MED31: variants seen among roughly 807,000 people sequenced by gnomAD.
MED31 encodes mediator complex subunit 31.
A neutral mutation model predicts 22.0 loss-of-function variants in MED31; 11 were observed. The ratio of observed to expected loss-of-function variants is 0.50; its 90% CI spans 0.31 to 0.83. The LOEUF (loss-of-function observed/expected upper bound fraction) is 0.83, where lower values mean the gene tolerates loss of function less well. Among genes scored for constraint, MED31 ranks in the 40% least tolerant of loss-of-function variants. MED31 has a pLI of 0.04. For synonymous variants in MED31, 60 were observed against 55.1 expected, an observed-to-expected ratio of 1.09 and a Z score of -0.40; for missense variants, 122 against 155.3, an observed-to-expected ratio of 0.79 and a Z score of 1.14.
chr17:6,650,090 T>TAAA lies in MED31; in HGVS notation c.107-15_107-13dup. The TAAA allele has an allele frequency of 2.4e-6, 3 of 1,227,096 alleles. No homozygotes were observed. Among genetic ancestry groups the TAAA allele is most frequent in the South Asian group, 1.5e-5 (1 of 65,356 alleles). The allele number at this position is 1,227,096 out of a possible 1,614,324, so 76.0% of individuals were successfully genotyped here. ...TCTTTGGGCAAGAACTGAAAAGCATTAAAAAAAAAAATCTGTAGGTCAAAC... is the reference window on the plus strand; with the variant it reads ...TCTTTGGGCAAGAACTGAAAAGCATTAAAAAAAAAAAAAATCTGTAGGTCAAAC... On this transcript the variant is annotated splice_polypyrimidine_tract_variant and intron_variant, in intron 2 of 3. Transcript: ENST00000225728.
intron 3 of MED31, among the ~76,000 whole-genome samples, chr17:6,646,368 T>C (rs1223353650): frequency 6.6e-6 from 1 of 152,216 alleles, no homozygotes; most frequent in Non-Finnish European, 1.5e-5. Context: ...TTAAAATACA[T>C]TAACATATAG....
At chr17:6,651,294 G>T in intron 1 of MED31, 1 of 654,106 alleles carries the variant, frequency 1.5e-6, no homozygotes, top group South Asian at 2.1e-5. Context: ...GTGGGGTGGT[G>T]TCTGAATAGC....
chr17:6,644,959 G>A (rs768661626), intron 3 of MED31, among the ~76,000 whole-genome samples: 1 of 152,170 alleles, frequency 6.6e-6, no homozygotes, highest in Admixed American at 6.5e-5. Context: ...CCCTTCTAGC[G>A]GTTTCCAACG....
At chr17:6,646,451 G>T (rs1972768575) in intron 3 of MED31, among the ~76,000 whole-genome samples, 1 of 152,162 alleles carries the variant, frequency 6.6e-6, no homozygotes, top group Admixed American at 6.5e-5. Context: ...ACTCCATTTT[G>T]ATCTGTACTA....
chr17:6,645,556 T>C (rs1404685662), intron 3 of MED31, among the ~76,000 whole-genome samples: 1 of 152,212 alleles, frequency 6.6e-6, no homozygotes, highest in Non-Finnish European at 1.5e-5. Context: ...TAAAAATTCC[T>C]GGGAGGATCA....
At chr17:6,651,365 G>A in intron 1 of MED31, 136 bp downstream of exon 1, 1 of 1,188,438 alleles carries the variant, frequency 8.4e-7, no homozygotes, top group Admixed American at 2.8e-5. Flanking sequence ...CTTTCTAGAC[G>A]CTACAAGAGC....
Position 6,651,486 on chromosome 17 carries a change from CAGAG to C in MED31, c.28+11_28+14del, listed in dbSNP as rs776775534. 1 of 1,614,136 alleles carries C rather than the reference CAGAG, an allele frequency of 6.2e-7. No individual in the cohort carries two copies. On this transcript the variant is annotated intron_variant, in intron 1 of 3. Coordinates refer to ENST00000225728, the MANE Select transcript of MED31 (RefSeq NM_016060.3). ...GTTCCATCTGCGAAGACTCCAAGAT[CAGAG>C]AGCTACTCACCTGTCTCCATAGCGA...
intron 3 of MED31, among the ~76,000 whole-genome samples, chr17:6,647,212 G>A (rs527272185): frequency 2.0e-5 from 3 of 152,248 alleles, no homozygotes; most frequent in African/African-American, 7.2e-5. Flanking sequence ...CTCAGAGACC[G>A]GCACTGGTGC....
chr17:6,644,938 A>G (rs952437561), intron 3 of MED31, among the ~76,000 whole-genome samples: 1 of 152,240 alleles, frequency 6.6e-6, no homozygotes, highest in Non-Finnish European at 1.5e-5. Flanking sequence ...TTAGGGACAA[A>G]CCATGCTATT....
At position 6,650,022 on chromosome 17, in the gene MED31, AG is replaced by A. The variant is rs886588377; in HGVS notation, c.162del (p.Leu55CysfsTer13). ...KDKAFVNYLK[Y>X]LLYWKDPEYA... is the part of the protein sequence containing the mutation. ...TATTCTGGGTCTTTCCAGTAAAGCA[AG>A]TATTTAAGATAATTAACAAAAGCTT... On this transcript the variant is annotated frameshift_variant, in exon 3 of 4. Coordinates refer to ENST00000225728, the MANE Select transcript of MED31 (RefSeq NM_016060.3). LOFTEE classifies it high-confidence loss of function. 35 of 1,604,106 alleles carry A rather than the reference AG, an allele frequency of 2.2e-5. No homozygotes were observed. The highest frequency in any genetic ancestry group is 3.0e-5 in the Non-Finnish European group (35 of 1,177,626).
intron 3 of MED31, among the ~76,000 whole-genome samples, chr17:6,645,273 C>T (rs1408229854): frequency 1.3e-5 from 2 of 152,164 alleles, no homozygotes; most frequent in Non-Finnish European, 2.9e-5. Context: ...GTATTGAAAA[C>T]ATCAGTATGT....
At chr17:6,644,804 T>C (rs1158870884) in intron 3 of MED31, 145 bp from the exon 4 acceptor site, 3 of 990,722 alleles carry the variant, frequency 3.0e-6, no homozygotes, top group East Asian at 3.1e-5. Context: ...TAGGGTTTTT[T>C]CCCCGATTAG....
rs183778027 is a variant in MED31, at chr17:6,645,624, C to T, written c.204-965G>A. 1.6e-3 allele frequency among the ~76,000 whole-genome samples: 238 copies of T among 152,134 alleles called. 1 individual carries two copies. The highest frequency in any genetic ancestry group is 3.1e-3 in the Admixed American group (47 of 15,280). ...CAATGGCCAAATCTGGAATACTTAGCGCAAGAAAATACATAATTCTAATTC... is the reference window on the plus strand; with the variant it reads ...CAATGGCCAAATCTGGAATACTTAGTGCAAGAAAATACATAATTCTAATTC... On this transcript the variant is annotated intron_variant, in intron 3 of 3. Transcript: ENST00000225728.
intron 3 of MED31, among the ~76,000 whole-genome samples, chr17:6,646,196 T>C (rs1220060609): frequency 6.6e-6 from 1 of 152,210 alleles, no homozygotes; most frequent in Non-Finnish European, 1.5e-5. Context: ...ATGAGGTCTG[T>C]AGATTAGGTA....
intron 3 of MED31, among the ~76,000 whole-genome samples, chr17:6,649,288 G>C (rs1166499869): frequency 6.6e-6 from 1 of 151,182 alleles, no homozygotes; most frequent in African/African-American, 2.4e-5. Flanking sequence ...TTGCAACTTA[G>C]TAAGCCTTAA....
intron 1 of MED31, 33 bp from the exon 2 acceptor site, chr17:6,650,466 C>A (rs1385783851): frequency 1.3e-6 from 2 of 1,594,974 alleles, no homozygotes; most frequent in Non-Finnish European, 1.7e-6. Context: ...TCATGGAAAA[C>A]AAAGGTCACT....
Position 6,644,156 on chromosome 17 carries a change from C to T in MED31, c.*311G>A, listed in dbSNP as rs988076482. On this transcript the variant is annotated 3_prime_UTR_variant, in exon 4 of 4. Transcript: ENST00000225728. Reference sequence around the variant, plus strand: ...CCTTAGAATTCAGTATACTTGGTGGCCCACCCCTACCCCATGCCCCAGTGC... The same window carrying T: ...CCTTAGAATTCAGTATACTTGGTGGTCCACCCCTACCCCATGCCCCAGTGC... 2.3e-6 allele frequency: 1 copy of T among 426,002 alleles called. No individual in the cohort carries two copies. The allele number at this position is 426,002 out of a possible 1,614,324, so 26.4% of individuals were successfully genotyped here.
intron 3 of MED31, among the ~76,000 whole-genome samples, chr17:6,648,584 G>A (rs1374540220): frequency 1.3e-5 from 2 of 152,068 alleles, no homozygotes. Flanking sequence ...TTAAATGTTG[G>A]CAAGTATTAA....
At chr17:6,651,308 G>T in intron 1 of MED31, 193 bp downstream of exon 1, 1 of 734,802 alleles carries the variant, frequency 1.4e-6, no homozygotes, top group Non-Finnish European at 2.2e-6. Context: ...GAATAGCAAA[G>T]ATGTGCGAAC....
Sources: allele counts gnomAD v4.1 joint callset (sites outside exome capture counted in the v4.1 genomes callset), GRCh38; gene constraint gnomAD v4.1.1; transcripts MANE v1.5; gene names NCBI Gene and HGNC (gene_info 2026-07-23, HGNC 2026-07-21).